The following FLT1 variants were observed in gnomAD, a reference collection of about 807,000 sequenced individuals.
FLT1 encodes vascular endothelial growth factor receptor 1.
Under a neutral mutation model 156.3 loss-of-function variants are expected in FLT1, and 49 were observed. That is an observed-to-expected ratio of 0.31 (90% CI 0.25 to 0.40). The LOEUF (loss-of-function observed/expected upper bound fraction) is 0.40. Among genes scored for constraint, FLT1 ranks in the 10% least tolerant of loss-of-function variants. FLT1 has a pLI of 1.00. For missense variants in FLT1, 1,322 were observed against 1,637.2 expected (o/e 0.81, Z 3.32); for synonymous variants, 594 against 583.8 (o/e 1.02, Z -0.25).
chr13:28,489,498 C>G (rs1296279109), intron 1 of FLT1, among the ~76,000 whole-genome samples: 1 of 152,084 alleles, frequency 6.6e-6, no homozygotes, highest in East Asian at 1.9e-4. Flanking sequence ...GAGTACACCT[C>G]AGGGCTACAG....
intron 14 of FLT1, among the ~76,000 whole-genome samples, chr13:28,373,292 CT>C (rs1409068093): frequency 6.6e-6 from 1 of 152,096 alleles, no homozygotes; most frequent in Non-Finnish European, 1.5e-5. Context: ...AATATACAGT[CT>C]TGATTGTTTA....
intron 20 of FLT1, among the ~76,000 whole-genome samples, chr13:28,326,080 C>T (rs1871666980): frequency 6.6e-6 from 1 of 152,090 alleles, no homozygotes; most frequent in Non-Finnish European, 1.5e-5. Flanking sequence ...CGAAGTTGGA[C>T]TCACCCAATT....
chr13:28,325,641 C>T (rs7333510), intron 20 of FLT1, among the ~76,000 whole-genome samples: 2 of 151,556 alleles, frequency 1.3e-5, no homozygotes, highest in Admixed American at 6.6e-5. Context: ...GGTGAAACTC[C>T]GTCTCTACCA....
chr13:28,386,997 T>C, intron 13 of FLT1: 5 of 1,040,828 alleles, frequency 4.8e-6, no homozygotes, highest in Non-Finnish European at 5.8e-6. Context: ...AAAATTGTTT[T>C]TCTAGCTACA....
chr13:28,378,500 A>G (rs1296323973), intron 14 of FLT1, among the ~76,000 whole-genome samples: 1 of 152,216 alleles, frequency 6.6e-6, no homozygotes, highest in East Asian at 1.9e-4. Flanking sequence ...CTAAATGCCC[A>G]TATGTTCAGT....
intron 14 of FLT1, among the ~76,000 whole-genome samples, chr13:28,371,043 A>G (rs1173253479): frequency 6.6e-6 from 1 of 152,218 alleles, no homozygotes; most frequent in Non-Finnish European, 1.5e-5. Flanking sequence ...ATGCCTGCTA[A>G]AAAGAGTGGG....
intron 29 of FLT1, 84 bp from the exon 30 acceptor site, chr13:28,303,452 G>T: frequency 8.1e-7 from 1 of 1,235,030 alleles, no homozygotes; most frequent in Non-Finnish European, 1.1e-6. Flanking sequence ...TTTCTGAGTG[G>T]GTCATTTGTT....
intron 4 of FLT1, among the ~76,000 whole-genome samples, chr13:28,436,616 C>T (rs1429608961): frequency 6.6e-6 from 1 of 152,184 alleles, no homozygotes; most frequent in African/African-American, 2.4e-5. Context: ...GAACGTTTCC[C>T]TCTCCACGTG....
intron 14 of FLT1, among the ~76,000 whole-genome samples, chr13:28,371,354 T>C (rs1438913033): frequency 2.6e-5 from 4 of 152,214 alleles, no homozygotes; most frequent in African/African-American, 9.6e-5. Context: ...AAACAATTTA[T>C]AAGTTTTAAA....
intron 3 of FLT1, among the ~76,000 whole-genome samples, chr13:28,464,078 C>A (rs919393625): frequency 2.0e-5 from 3 of 152,058 alleles, no homozygotes; most frequent in African/African-American, 7.2e-5. Context: ...ATTCCAATAT[C>A]TTTTAGTATC....
chr13:28,485,204 C>T (rs1566058834), intron 1 of FLT1, among the ~76,000 whole-genome samples: 1 of 152,076 alleles, frequency 6.6e-6, no homozygotes, highest in Non-Finnish European at 1.5e-5. Flanking sequence ...CCTCCTTTCT[C>T]CCTTCCCCAA....
At chr13:28,308,229 C>T (rs545726915) in intron 28 of FLT1, 28 of 164,040 alleles carry the variant, frequency 1.7e-4, no homozygotes, top group African/African-American at 6.5e-4. Flanking sequence ...CACAGTGAGT[C>T]CCAGAGTCTG....
At chr13:28,392,721 G>A (rs867200513) in intron 12 of FLT1, among the ~76,000 whole-genome samples, 1 of 152,202 alleles carries the variant, frequency 6.6e-6, no homozygotes, top group African/African-American at 2.4e-5. Flanking sequence ...AGGCAGTGCT[G>A]TTCCTGTTTC....
intron 1 of FLT1, among the ~76,000 whole-genome samples, chr13:28,488,126 G>A (rs1017097461): frequency 2.0e-5 from 3 of 152,022 alleles, no homozygotes; most frequent in African/African-American, 4.8e-5. Flanking sequence ...GACCAGGCGC[G>A]GTGGCTTACG....
rs150255878 is a variant in FLT1 at position 28,442,920 on chromosome 13, G to A, written c.389-4575C>T. On this transcript the variant is annotated intron_variant, in intron 3 of 29. Transcript: ENST00000282397. Reference sequence around the variant, plus strand: ...ACCAGTAAAACCACTTACTACTCCCGTAGGACACATCTGTCTTTGTCACAA... The same window carrying A: ...ACCAGTAAAACCACTTACTACTCCCATAGGACACATCTGTCTTTGTCACAA... 6.6e-3 allele frequency among the ~76,000 whole-genome samples: 1,005 copies of A among 152,260 alleles called. 16 individuals are homozygous for A. The highest frequency in any genetic ancestry group is 0.023 in the African/African-American group (955 of 41,530).
chr13:28,476,505 CA>C (rs1358993330), intron 1 of FLT1, among the ~76,000 whole-genome samples: 1 of 152,194 alleles, frequency 6.6e-6, no homozygotes, highest in African/African-American at 2.4e-5. Flanking sequence ...TGTCCAGCAA[CA>C]TTATATTTAG....
chr13:28,431,786 C>T (rs1877699293), intron 6 of FLT1, among the ~76,000 whole-genome samples: 1 of 152,134 alleles, frequency 6.6e-6, no homozygotes, highest in African/African-American at 2.4e-5. Flanking sequence ...TAGTTAGTGT[C>T]TGGCTTAATG....
chr13:28,335,579 C>T (rs539129824), intron 17 of FLT1, among the ~76,000 whole-genome samples: 1 of 152,356 alleles, frequency 6.6e-6, no homozygotes, highest in South Asian at 2.1e-4. Context: ...CTACTACCCA[C>T]CACCCCAGGT....
intron 16 of FLT1, 61 bp downstream of exon 16, chr13:28,345,384 T>A (rs1297066214): frequency 2.0e-6 from 2 of 1,010,960 alleles, no homozygotes; most frequent in Non-Finnish European, 3.1e-6. Flanking sequence ...ACTCTAGACA[T>A]CAGATCGGGC....
Sources: allele counts gnomAD v4.1 joint callset (sites outside exome capture counted in the v4.1 genomes callset), GRCh38; gene constraint gnomAD v4.1.1; transcripts MANE v1.5; gene names NCBI Gene and HGNC (gene_info 2026-07-23, HGNC 2026-07-21).